The following SNX29 variants were observed in gnomAD, a reference collection of about 807,000 sequenced individuals.
SNX29 encodes sorting nexin 29.
A neutral mutation model predicts 102.1 loss-of-function variants in SNX29; 78 were observed. The observed-to-expected ratio is 0.76, with a 90% CI of 0.64 to 0.92. The LOEUF (loss-of-function observed/expected upper bound fraction) is 0.92. Among genes scored for constraint, SNX29 ranks in the 40% least tolerant of loss-of-function variants. The pLI, the probability that SNX29 is intolerant of heterozygous loss-of-function variation, is 0.00. For missense variants in SNX29, 1,280 were observed against 1,061.7 expected (o/e 1.21, Z -2.86); for synonymous variants, 580 against 414.5 (o/e 1.40, Z -4.85).
Position 12,042,953 on chromosome 16 carries a change from T to C in SNX29, c.304T>C (p.Phe102Leu). The C allele has an allele frequency of 6.2e-7, 1 of 1,613,914 alleles. No individual in the cohort carries two copies. The change falls in exon 5 of 21, where the codon TTC becomes CTC. Residue 102 changes from phenylalanine to leucine, a missense_variant. Transcript: ENST00000566228. The part of the protein sequence containing the change: ...EVLNKHELQR[F>L]YSLRHIASDV... ...CCTCAACAAGCACGAGCTGCAGCGC[T>C]TCTACTCCCTGCGCCACATCGCCTC...
chr16:12,429,120 C>T (rs1188954174), intron 18 of SNX29, among the ~76,000 whole-genome samples: 1 of 152,104 alleles, frequency 6.6e-6, no homozygotes, highest in Non-Finnish European at 1.5e-5. Context: ...ATTAATAGCT[C>T]TTTCTAGTTA....
chr16:12,094,282 GA>G (rs1266360837), intron 11 of SNX29, among the ~76,000 whole-genome samples: 8 of 151,672 alleles, frequency 5.3e-5, no homozygotes, highest in Non-Finnish European at 1.0e-4. Context: ...AGAAAAATTG[GA>G]AAAAAAATCC....
chr16:12,073,551 G>C (rs1210094828), intron 10 of SNX29, among the ~76,000 whole-genome samples: 1 of 152,018 alleles, frequency 6.6e-6, no homozygotes, highest in Non-Finnish European at 1.5e-5. Context: ...TATAATTTCT[G>C]TTCTTTTACA....
At chr16:12,549,918 AT>A (rs1371769456) in intron 20 of SNX29, among the ~76,000 whole-genome samples, 1 of 152,230 alleles carries the variant, frequency 6.6e-6, no homozygotes, top group Non-Finnish European at 1.5e-5. Context: ...CACAGGCCAA[AT>A]CTTACCCTCC....
chr16:12,475,956 C>G (rs1360197149), intron 18 of SNX29, among the ~76,000 whole-genome samples: 1 of 152,124 alleles, frequency 6.6e-6, no homozygotes, highest in African/African-American at 2.4e-5. Context: ...AGTGATTGTA[C>G]TTGCCACTCT....
At chr16:12,544,417 C>T (rs1056823967) in intron 20 of SNX29, among the ~76,000 whole-genome samples, 1 of 152,162 alleles carries the variant, frequency 6.6e-6, no homozygotes, top group African/African-American at 2.4e-5. Context: ...ATTATGTCAG[C>T]TGGTGGGATT....
At position 12,468,717 on chromosome 16, in the gene SNX29, C is replaced by T. The variant is rs908402430; in HGVS notation, c.2038-9002C>T. Among the ~76,000 whole-genome samples the T allele has an allele frequency of 1.3e-5, 2 of 152,226 alleles. 1 individual carries two copies. ...AGGGCCCAGCCCGGAGCTTGGTATA[C>T]AACAGGCCACCTGGTGGTGACTGAG... On this transcript the variant is annotated intron_variant, in intron 18 of 20. Coordinates refer to ENST00000566228, the MANE Select transcript of SNX29 (RefSeq NM_032167.5).
At chr16:12,439,907 C>T (rs1409722937) in intron 18 of SNX29, among the ~76,000 whole-genome samples, 2 of 152,214 alleles carry the variant, frequency 1.3e-5, no homozygotes, top group Admixed American at 6.5e-5. Flanking sequence ...TTTCCTGGCT[C>T]TCCCTGAGTA....
chr16:12,572,668 A>G lies in SNX29; in HGVS notation c.*4039A>G, dbSNP rs3803610. On this transcript the variant is annotated 3_prime_UTR_variant, in exon 21 of 21. Transcript: ENST00000566228. ...ACCAAGCTCCTGTGTGAGCTGCAGCACCCACACGGGGGAAGCCCTGCACTC... is the reference window on the plus strand; with the variant it reads ...ACCAAGCTCCTGTGTGAGCTGCAGCGCCCACACGGGGGAAGCCCTGCACTC... The G allele has an allele frequency of 0.23, 245,824 of 1,063,238 alleles. 29,036 individuals carry two copies. The highest frequency in any genetic ancestry group is 0.44 in the East Asian group (8,671 of 19,852). The allele number at this position is 1,063,238 out of a possible 1,614,324, so 65.9% of individuals were successfully genotyped here.
At chr16:12,538,546 TAGG>T (rs2077181072) in intron 20 of SNX29, among the ~76,000 whole-genome samples, 1 of 152,182 alleles carries the variant, frequency 6.6e-6, no homozygotes, top group Admixed American at 6.5e-5. Context: ...GGTGATGGGC[TAGG>T]AGGCTTAACT....
intron 16 of SNX29, among the ~76,000 whole-genome samples, chr16:12,388,662 T>G (rs1280444224): frequency 6.6e-6 from 1 of 152,170 alleles, no homozygotes; most frequent in Non-Finnish European, 1.5e-5. Context: ...ACTGGCTGAG[T>G]GGGACTGTGT....
chr16:12,444,830 GTGTTTTTTTT>G (rs2085971377), intron 18 of SNX29, among the ~76,000 whole-genome samples: 2 of 132,856 alleles, frequency 1.5e-5, no homozygotes, highest in Admixed American at 8.1e-5. Flanking sequence ...CCCCTCGACA[GTGTTTTTTTT>G]TGTTTTTTTT....
At chr16:11,987,539 G>T (rs2055679785) in intron 1 of SNX29, among the ~76,000 whole-genome samples, 1 of 151,962 alleles carries the variant, frequency 6.6e-6, no homozygotes, top group South Asian at 2.1e-4. Context: ...TGGGACTACA[G>T]GTGCGTGCCA....
intron 20 of SNX29, among the ~76,000 whole-genome samples, chr16:12,553,347 C>G (rs1008348218): frequency 3.3e-5 from 5 of 152,198 alleles, no homozygotes; most frequent in Admixed American, 2.0e-4. Context: ...GAGAAACCAG[C>G]TCGTCTTCTC....
intron 14 of SNX29, among the ~76,000 whole-genome samples, chr16:12,257,501 ATCTCTCTC>A (rs111505982): frequency 1.3e-5 from 2 of 149,876 alleles, no homozygotes; most frequent in Non-Finnish European, 3.0e-5. Context: ...TACCACTAGC[ATCTCTCTC>A]TCTCTCTCTC....
At chr16:12,437,285 C>G (rs534600755) in intron 18 of SNX29, among the ~76,000 whole-genome samples, 7 of 152,288 alleles carry the variant, frequency 4.6e-5, no homozygotes, top group East Asian at 1.9e-4. Context: ...CTCTTTCTCT[C>G]TTTCACCTGA....
chr16:12,561,302 T>G (rs1408927319), intron 20 of SNX29, among the ~76,000 whole-genome samples: 2 of 152,144 alleles, frequency 1.3e-5, no homozygotes, highest in Non-Finnish European at 1.5e-5. Flanking sequence ...CTCCATGATC[T>G]TCACATCCTG....
chr16:12,372,659 T>G (rs2082726182), intron 16 of SNX29: 1 of 152,018 alleles, frequency 6.6e-6, no homozygotes, highest in East Asian at 1.9e-4. Context: ...GGCACAATGG[T>G]GGGGTTAGTT....
intron 15 of SNX29, among the ~76,000 whole-genome samples, chr16:12,288,336 A>G (rs992074035): frequency 2.5e-4 from 38 of 152,262 alleles, no homozygotes; most frequent in African/African-American, 8.4e-4. Flanking sequence ...CTCAAAAGTT[A>G]ATACTTCCTC....
Sources: allele counts gnomAD v4.1 joint callset (sites outside exome capture counted in the v4.1 genomes callset), GRCh38; gene constraint gnomAD v4.1.1; transcripts MANE v1.5; gene names NCBI Gene and HGNC (gene_info 2026-07-23, HGNC 2026-07-21).